Variants in GABRB1 observed in about 807,000 individuals in gnomAD.
GABRB1 encodes the protein gamma-aminobutyric acid type A receptor subunit beta1.
Under a neutral mutation model 51.6 loss-of-function variants are expected in GABRB1, and 17 were observed. The ratio of observed to expected loss-of-function variants is 0.33; its 90% CI spans 0.23 to 0.49. GABRB1 has a LOEUF of 0.49. Ranked by LOEUF, GABRB1 falls within the 20% of genes least tolerant of loss-of-function variation. The pLI, the probability that GABRB1 is intolerant of heterozygous loss-of-function variation, is 0.99. For missense variants in GABRB1, 410 were observed against 600.6 expected (o/e 0.68, Z 3.32); for synonymous variants, 247 against 218.9 (o/e 1.13, Z -1.14).
At chr4:47,043,372 A>G (rs1239275646) in intron 3 of GABRB1, 2 of 152,038 alleles carry the variant, frequency 1.3e-5, no homozygotes, top group African/African-American at 4.8e-5. Context: ...CTACGTAAAC[A>G]ACATACCCCA....
At chr4:47,282,483 A>G (rs1396934934) in intron 4 of GABRB1, among the ~76,000 whole-genome samples, 3 of 152,100 alleles carry the variant, frequency 2.0e-5, no homozygotes, top group Non-Finnish European at 1.5e-5. Context: ...ACCATACATA[A>G]CTAGTTGTAG....
chr4:47,289,527 A>G (rs1440452685), intron 4 of GABRB1, among the ~76,000 whole-genome samples: 2 of 152,188 alleles, frequency 1.3e-5, no homozygotes, highest in African/African-American at 4.8e-5. Flanking sequence ...TAACTCCACC[A>G]AACAGAATTT....
At chr4:47,220,898 A>G (rs1022718748) in intron 4 of GABRB1, among the ~76,000 whole-genome samples, 3 of 152,028 alleles carry the variant, frequency 2.0e-5, no homozygotes, top group African/African-American at 7.2e-5. Context: ...TGATCAAAGC[A>G]TCGCTCTAAT....
chr4:47,387,395 C>T (rs891064895), intron 5 of GABRB1, among the ~76,000 whole-genome samples: 4 of 152,122 alleles, frequency 2.6e-5, no homozygotes, highest in African/African-American at 9.7e-5. Flanking sequence ...TCACTTGAAC[C>T]TGGGAGGTAG....
chr4:47,059,461 G>A (rs530697177), intron 3 of GABRB1, among the ~76,000 whole-genome samples: 8 of 152,024 alleles, frequency 5.3e-5, no homozygotes, highest in South Asian at 2.1e-4. Context: ...CATGCAACAC[G>A]GCACCTGGCT....
At chr4:47,118,649 C>A (rs1337192218) in intron 3 of GABRB1, among the ~76,000 whole-genome samples, 4 of 152,192 alleles carry the variant, frequency 2.6e-5, no homozygotes, top group African/African-American at 9.6e-5. Context: ...TCTTATTAAT[C>A]ATATGGGATG....
intron 4 of GABRB1, among the ~76,000 whole-genome samples, chr4:47,311,399 G>A (rs1032583192): frequency 3.6e-5 from 5 of 137,798 alleles, no homozygotes; most frequent in East Asian, 4.2e-4. Context: ...ATAACGGAGC[G>A]AGACTCTGTC....
chr4:47,405,479 C>T lies in GABRB1; in HGVS notation c.836-1203C>T, dbSNP rs113842762. Among the ~76,000 whole-genome samples, 1,342 of 151,778 alleles carry T rather than the reference C, an allele frequency of 8.8e-3. 22 individuals are homozygous for T. Among genetic ancestry groups the T allele is most frequent in the African/African-American group, 0.031 (1,275 of 41,406 alleles). ...GCCTCTATCAAATTTTAGATTTTAC[C>T]TTTTCATCTCATTGCTTATTTTAAA... On this transcript the variant is annotated intron_variant, in intron 7 of 8. Transcript: ENST00000295454.
intron 4 of GABRB1, among the ~76,000 whole-genome samples, chr4:47,277,227 G>A (rs1723117417): frequency 6.6e-6 from 1 of 152,054 alleles, no homozygotes; most frequent in Non-Finnish European, 1.5e-5. Flanking sequence ...GATGGAACTG[G>A]AGATTATTAT....
intron 5 of GABRB1, among the ~76,000 whole-genome samples, chr4:47,354,692 G>T (rs1206448938): frequency 2.0e-5 from 3 of 152,108 alleles, no homozygotes. Context: ...GAAAGTGGCT[G>T]CAGAGAAGAT....
At chr4:47,235,557 C>A (rs1368727841) in intron 4 of GABRB1, among the ~76,000 whole-genome samples, 12 of 144,046 alleles carry the variant, frequency 8.3e-5, no homozygotes, top group East Asian at 2.0e-4. Flanking sequence ...AAAAAAAAAA[C>A]CAAAAAAAAA....
At chr4:47,279,859 T>TAAAA (rs1560311688) in intron 4 of GABRB1, among the ~76,000 whole-genome samples, 44 of 151,816 alleles carry the variant, frequency 2.9e-4, no homozygotes, top group African/African-American at 1.0e-3. Context: ...TTTTTTTTTT[T>TAAAA]AAATTCATTC....
chr4:47,282,792 A>G (rs1440299952), intron 4 of GABRB1, among the ~76,000 whole-genome samples: 8 of 152,222 alleles, frequency 5.3e-5, no homozygotes, highest in Admixed American at 5.2e-4. Context: ...TACTTAATTC[A>G]TTAATTAATG....
chr4:47,040,091 C>T (rs1725771963), intron 3 of GABRB1, among the ~76,000 whole-genome samples: 1 of 152,136 alleles, frequency 6.6e-6, no homozygotes, highest in East Asian at 1.9e-4. Context: ...TTAAAAAAAT[C>T]TTACATGTAT....
chr4:47,344,658 G>A (rs1271943729), intron 5 of GABRB1, among the ~76,000 whole-genome samples: 1 of 152,042 alleles, frequency 6.6e-6, no homozygotes, highest in Non-Finnish European at 1.5e-5. Context: ...AAGTGTCAGT[G>A]GGGTGTCTCC....
chr4:47,127,004 T>A (rs1204807986), intron 3 of GABRB1, among the ~76,000 whole-genome samples: 1 of 151,946 alleles, frequency 6.6e-6, no homozygotes, highest in Admixed American at 6.5e-5. Context: ...ATGTAGGTGG[T>A]TAGCCTCTGC....
intron 4 of GABRB1, among the ~76,000 whole-genome samples, chr4:47,313,962 C>T (rs1381613983): frequency 1.3e-5 from 2 of 152,002 alleles, no homozygotes; most frequent in African/African-American, 4.8e-5. Context: ...AAATGTGGAA[C>T]ATATATATTC....
chr4:47,007,751 G>T (rs754239853), intron 1 of GABRB1, among the ~76,000 whole-genome samples: 1 of 151,790 alleles, frequency 6.6e-6, no homozygotes, highest in African/African-American at 2.4e-5. Context: ...ATGAAGAAAA[G>T]CTGGGGCAAG....
chr4:47,367,048 T>C (rs17461905), intron 5 of GABRB1, among the ~76,000 whole-genome samples: 14,134 of 152,192 alleles, frequency 0.093, 804 homozygotes, highest in Non-Finnish European at 0.13. Context: ...GCTACCACCA[T>C]ATGCATTCTG....
Sources: allele counts gnomAD v4.1 joint callset (sites outside exome capture counted in the v4.1 genomes callset), GRCh38; gene constraint gnomAD v4.1.1; transcripts MANE v1.5; gene names NCBI Gene and HGNC (gene_info 2026-07-23, HGNC 2026-07-21).